Variants in DNAH9 observed in about 807,000 individuals in gnomAD.
DNAH9 encodes the protein dynein axonemal heavy chain 9, also known as DNAH9 variant protein.
Under a neutral mutation model 471.6 loss-of-function variants are expected in DNAH9, and 345 were observed. The ratio of observed to expected loss-of-function variants is 0.73; its 90% CI spans 0.67 to 0.80. The LOEUF (loss-of-function observed/expected upper bound fraction) is 0.80, where lower values mean the gene tolerates loss of function less well. Ranked by LOEUF, DNAH9 falls within the 30% of genes least tolerant of loss-of-function variation. The pLI, the probability that DNAH9 is intolerant of heterozygous loss-of-function variation, is 0.00. For missense variants in DNAH9, 5,407 were observed against 5,609.2 expected, an observed-to-expected ratio of 0.96 and a Z score of 1.15; for synonymous variants, 2,093 against 2,123.6, an observed-to-expected ratio of 0.99 and a Z score of 0.40.
intron 26 of DNAH9, among the ~76,000 whole-genome samples, chr17:11,715,064 A>G (rs1015968230): frequency 2.0e-5 from 3 of 152,250 alleles, no homozygotes; most frequent in African/African-American, 7.2e-5. Context: ...ACACAGCAAT[A>G]GAAAATTAAT....
intron 59 of DNAH9, among the ~76,000 whole-genome samples, chr17:11,897,161 G>A (rs550282204): frequency 2.0e-5 from 3 of 152,294 alleles, no homozygotes; most frequent in East Asian, 3.9e-4. Context: ...ATCTCAATAT[G>A]CAGTTGTTAT....
intron 61 of DNAH9, among the ~76,000 whole-genome samples, chr17:11,921,096 G>A (rs113452405): frequency 0.086 from 13,099 of 151,488 alleles, 771 homozygotes; most frequent in Non-Finnish European, 0.12. Context: ...AGGTGAGATC[G>A]TACCACTGCA....
In DNAH9 at chr17:11,689,722, C is replaced by T; in HGVS notation, c.3900C>T (p.Cys1300=). The change falls in exon 20 of 69, where the codon TGC becomes TGT. Residue 1300 remains cysteine, a synonymous_variant. Transcript: ENST00000262442. ...KQLRQCRKEV[C]QLKELWDTIG... ...TGAGGCAGTGCAGGAAGGAGGTCTGCCAGCTGAAGGAGCTCTGGGACACCA... is the reference window on the plus strand; with the variant it reads ...TGAGGCAGTGCAGGAAGGAGGTCTGTCAGCTGAAGGAGCTCTGGGACACCA... 2 of 1,614,148 alleles carry T rather than the reference C, an allele frequency of 1.2e-6. No homozygotes were observed. The highest frequency in any genetic ancestry group is 1.7e-6 in the Non-Finnish European group (2 of 1,180,000).
intron 16 of DNAH9, 45 bp downstream of exon 16, chr17:11,669,305 A>G (rs545275093): frequency 6.3e-7 from 1 of 1,596,986 alleles, no homozygotes; most frequent in Non-Finnish European, 8.5e-7. Flanking sequence ...TGTCCCGTCC[A>G]GCCGAATCTC....
At position 11,797,702 on chromosome 17, in the gene DNAH9, T is replaced by A. The variant is rs764382513; in HGVS notation, c.8329T>A (p.Leu2777Met). The A allele has an allele frequency of 6.2e-7, 1 of 1,614,208 alleles. No homozygotes were observed. Among genetic ancestry groups the A allele is most frequent in the East Asian group, 2.2e-5 (1 of 44,876 alleles). The change falls in exon 43 of 69, where the codon TTG (leucine) becomes ATG (methionine). Residue 2777 changes from leucine (L) to methionine (M), a missense_variant. Leu to Met is a conservative substitution (Grantham distance 15). Coordinates refer to ENST00000262442, the MANE Select transcript of DNAH9 (RefSeq NM_001372.4). ...KYMPVQSWEL[L>M]TQTLVEALEN... is the part of the protein sequence containing the mutation. ...CATGCCTGTACAGTCTTGGGAACTT[T>A]TGACCCAGACTCTGGTGGAGGCCTT... is the stretch of plus-strand genomic sequence containing the variant.
chr17:11,617,298 A>G (rs1773505805), intron 4 of DNAH9, 113 bp from the exon 5 acceptor site: 1 of 682,606 alleles, frequency 1.5e-6, no homozygotes, highest in Non-Finnish European at 2.5e-6. Flanking sequence ...TTCTGGAACC[A>G]GCCTTCTCTC....
At chr17:11,827,562 T>C (rs1295340962) in intron 48 of DNAH9, among the ~76,000 whole-genome samples, 1 of 152,198 alleles carries the variant, frequency 6.6e-6, no homozygotes, top group Non-Finnish European at 1.5e-5. Context: ...TATACCTCTA[T>C]GTTTCAGTCA....
intron 14 of DNAH9, among the ~76,000 whole-genome samples, chr17:11,653,883 C>A (rs1374826576): frequency 2.6e-5 from 4 of 152,158 alleles, no homozygotes; most frequent in Non-Finnish European, 5.9e-5. Context: ...TTTCATTCGT[C>A]TTTCTTTCAT....
Position 11,822,488 on chromosome 17 carries a change from G to T in DNAH9, c.8901G>T (p.Arg2967Ser), listed in dbSNP as rs766062396. 1 of 1,614,180 alleles carries T rather than the reference G, an allele frequency of 6.2e-7. No homozygotes were observed. ...PVGNKLRVRS[R>S]KFPAIVNCTA... is the part of the protein sequence containing the mutation. Reference sequence around the variant, plus strand: ...GAAACAAGCTAAGAGTCCGCAGCAGGAAGTTCCCAGCCATTGTGAACTGCA... The same window carrying T: ...GAAACAAGCTAAGAGTCCGCAGCAGTAAGTTCCCAGCCATTGTGAACTGCA... The change falls in exon 47 of 69, where the codon AGG (arginine) becomes AGT (serine). Residue 2967 changes from arginine (R) to serine (S), a missense_variant. Around this residue, in one of 3 missense-constraint regions of DNAH9, gnomAD observed 4,636 missense variants for 4,900.3 expected, o/e 0.95. Coordinates refer to ENST00000262442, the MANE Select transcript of DNAH9 (RefSeq NM_001372.4).
rs529941290 is a variant in DNAH9, at chr17:11,867,652, G to A, written c.9934-1482G>A. On this transcript the variant is annotated intron_variant, in intron 50 of 68. Coordinates refer to ENST00000262442, the MANE Select transcript of DNAH9 (RefSeq NM_001372.4). ...TTTCATCTTGTTTAACTTAATCTAA[G>A]CCTGCATTAAATCTCTTCTTGTCCT... 5.3e-5 allele frequency among the ~76,000 whole-genome samples: 8 copies of A among 152,144 alleles called. No individual in the cohort carries two copies. The South Asian group carries it at 1.7e-3, about 32-fold the overall frequency.
At chr17:11,610,013 G>C (rs548915842) in intron 2 of DNAH9, among the ~76,000 whole-genome samples, 1 of 152,230 alleles carries the variant, frequency 6.6e-6, no homozygotes, top group Non-Finnish European at 1.5e-5. Context: ...TCGAGAGCTT[G>C]CTGTCACTGG....
rs2074662527 is a variant in DNAH9 at position 11,704,467 on chromosome 17, C to T, written c.5391+25C>T. 1.9e-6 allele frequency: 3 copies of T among 1,608,142 alleles called. No homozygotes were observed. The South Asian group carries it at 3.3e-5, about 18-fold the overall frequency. ...GGTGGGTCCCAAACATCCAGGGATG[C>T]CCACTTTTGTGTACAGCTACACTGA... On this transcript the variant is annotated intron_variant, in intron 25 of 68. Coordinates refer to ENST00000262442, the MANE Select transcript of DNAH9 (RefSeq NM_001372.4).
At chr17:11,639,048 T>C (rs1329709996) in intron 9 of DNAH9, among the ~76,000 whole-genome samples, 1 of 152,216 alleles carries the variant, frequency 6.6e-6, no homozygotes, top group African/African-American at 2.4e-5. Context: ...ACATTCTGCT[T>C]TTAAGGCCTC....
chr17:11,703,601 CT>C (rs1283239873), intron 24 of DNAH9, among the ~76,000 whole-genome samples: 1 of 152,118 alleles, frequency 6.6e-6, no homozygotes, highest in East Asian at 1.9e-4. Context: ...ATTTCAATTG[CT>C]TTTTCTATTT....
chr17:11,816,680 G>A (rs554070710), intron 45 of DNAH9, among the ~76,000 whole-genome samples: 5 of 152,266 alleles, frequency 3.3e-5, no homozygotes, highest in Admixed American at 1.3e-4. Context: ...ACTAAACCAC[G>A]TTAAATTATC....
intron 1 of DNAH9, among the ~76,000 whole-genome samples, chr17:11,600,555 C>T (rs1230981654): frequency 2.6e-5 from 4 of 152,142 alleles, no homozygotes; most frequent in Non-Finnish European, 5.9e-5. Context: ...AGATTGGAGA[C>T]AAACAATGTT....
chr17:11,835,926 C>A (rs1970836775), intron 49 of DNAH9, among the ~76,000 whole-genome samples: 1 of 152,198 alleles, frequency 6.6e-6, no homozygotes, highest in South Asian at 2.1e-4. Context: ...ATACTCTGCC[C>A]ACATGCCTCG....
At position 11,962,972 on chromosome 17, in the gene DNAH9, G is replaced by C. The variant is rs569639968; in HGVS notation, c.13233+716G>C. ...GGAGAAGATGTTTTGTCACCAATAA[G>C]AATATGCAAATAGAGATTTACTTGG... On this transcript the variant is annotated intron_variant, in intron 68 of 68. Transcript: ENST00000262442. This position sits in a 1 kb window ranked among gnomAD's most constrained non-coding sequence, Gnocchi z 4.1. Among the ~76,000 whole-genome samples, 5 of 152,276 alleles carry C rather than the reference G, an allele frequency of 3.3e-5. No individual in the cohort carries two copies. The highest frequency in any genetic ancestry group is 1.3e-4 in the Admixed American group (2 of 15,294).
At chr17:11,967,499 G>A (rs116116947) in intron 68 of DNAH9, among the ~76,000 whole-genome samples, 1 of 152,070 alleles carries the variant, frequency 6.6e-6, no homozygotes, top group East Asian at 1.9e-4. Context: ...CGTATATCTG[G>A]TAATACAAGA....
Sources: gnomAD v4.1 joint callset for allele counts (sites outside exome capture counted in the v4.1 genomes callset) on GRCh38, gnomAD v4.1.1 for gene constraint, gnomAD v4.1.1 regional missense constraint, Gnocchi (gnomAD v3.1) non-coding constraint, MANE v1.5 for transcripts, NCBI Gene and HGNC (gene_info 2026-07-23, HGNC 2026-07-21) for gene names.